The following CTNNA1 variants were observed in gnomAD, a reference collection of about 807,000 sequenced individuals.
The protein encoded by CTNNA1 is catenin alpha 1, also known as catenin alpha-1.
In CTNNA1, 37 loss-of-function variants were observed where a neutral mutation model predicts 98.4. The observed-to-expected ratio is 0.38, with a 90% CI of 0.29 to 0.49. The LOEUF is 0.49. Ranked by LOEUF, CTNNA1 falls within the 20% of genes least tolerant of loss-of-function variation. The pLI, the probability that CTNNA1 is intolerant of heterozygous loss-of-function variation, is 0.95. For missense variants in CTNNA1, 761 were observed against 1,147.2 expected (o/e 0.66, Z 4.86); for synonymous variants, 404 against 413.2 (o/e 0.98, Z 0.27).
chr5:138,859,836 A>G (rs1764097549), intron 7 of CTNNA1, among the ~76,000 whole-genome samples: 1 of 152,232 alleles, frequency 6.6e-6, no homozygotes, highest in Non-Finnish European at 1.5e-5. Flanking sequence ...TGAGCCCAGG[A>G]GGCAGAGGTT....
intron 7 of CTNNA1, chr5:138,869,691 C>G (rs552761879): frequency 5.9e-5 from 9 of 152,612 alleles, no homozygotes; most frequent in African/African-American, 2.2e-4. Flanking sequence ...AAGATGGAGT[C>G]TAGCTCTTGG....
chr5:138,829,326 CAG>C (rs1003535823), intron 7 of CTNNA1, among the ~76,000 whole-genome samples: 17 of 152,212 alleles, frequency 1.1e-4, no homozygotes, highest in South Asian at 2.1e-4. Context: ...CAGTCTTAAA[CAG>C]GGGAACAAAA....
chr5:138,929,076 G>A (rs529517333), intron 13 of CTNNA1, among the ~76,000 whole-genome samples, 170 bp from the exon 14 acceptor site: 29 of 152,350 alleles, frequency 1.9e-4, no homozygotes, highest in African/African-American at 6.5e-4. Context: ...TGAAGCAGAG[G>A]CTCGAGACAA....
chr5:138,829,107 G>A (rs1031184447), intron 7 of CTNNA1, among the ~76,000 whole-genome samples: 2 of 152,124 alleles, frequency 1.3e-5, no homozygotes, highest in African/African-American at 4.8e-5. Flanking sequence ...GGGCGACAGA[G>A]CGAGAGTGTC....
chr5:138,788,012 T>C (rs1386451434), intron 3 of CTNNA1, among the ~76,000 whole-genome samples: 1 of 152,208 alleles, frequency 6.6e-6, no homozygotes, highest in Admixed American at 6.5e-5. Context: ...ATCTGCTTCG[T>C]TTTTGAGTAG....
chr5:138,755,845 CTTTTTTTTTTTTTTTTTTTTTTTTT>C (rs60260246), intron 1 of CTNNA1, among the ~76,000 whole-genome samples: 2 of 58,448 alleles, frequency 3.4e-5, no homozygotes, highest in African/African-American at 6.3e-5. Flanking sequence ...GGATTTCCTT[CTTTTTTTTTTTTTTTTTTTTTTTTT>C]TTTTTTTTTT....
chr5:138,807,168 G>A (rs2149719397), intron 3 of CTNNA1, among the ~76,000 whole-genome samples: 1 of 151,892 alleles, frequency 6.6e-6, no homozygotes, highest in East Asian at 1.9e-4. Flanking sequence ...CTGCCACCAT[G>A]TCTGGCTGTT....
chr5:138,776,826 C>T (rs375216972), intron 1 of CTNNA1, among the ~76,000 whole-genome samples: 20,732 of 70,260 alleles, frequency 0.3, 4,054 homozygotes, highest in East Asian at 0.54. Flanking sequence ...CCCTCCCGGA[C>T]GGGGCGGCTG....
At chr5:138,771,643 T>C (rs1026519575) in intron 1 of CTNNA1, among the ~76,000 whole-genome samples, 26 of 152,160 alleles carry the variant, frequency 1.7e-4, no homozygotes, top group African/African-American at 6.3e-4. Context: ...CACCTTGGCC[T>C]CCCAGAGTGC....
intron 5 of CTNNA1, among the ~76,000 whole-genome samples, chr5:138,818,841 C>G (rs7736925): frequency 0.74 from 112,891 of 152,018 alleles, 42,192 homozygotes; most frequent in East Asian, 0.99. Context: ...CAGGTGCTCG[C>G]GGTGGCTGTG....
chr5:138,858,601 T>TTTC (rs1320208401), intron 7 of CTNNA1, among the ~76,000 whole-genome samples: 7 of 144,892 alleles, frequency 4.8e-5, no homozygotes, highest in Non-Finnish European at 4.5e-5. Flanking sequence ...TTTCTTTTTT[T>TTTC]TTTTTTTTTT....
rs187265069 is a variant in CTNNA1 at position 138,797,479 on chromosome 5, C to G, written c.302-12559C>G. 1.2e-3 allele frequency among the ~76,000 whole-genome samples: 182 copies of G among 152,156 alleles called. 1 individual carries two copies. The highest frequency in any genetic ancestry group is 1.9e-3 in the Non-Finnish European group (132 of 68,002). Reference sequence around the variant, plus strand: ...AAAATCATTTCCATTAATGAAGATACCTGGGTGGGGGCAGATTGTATAATT... The same window carrying G: ...AAAATCATTTCCATTAATGAAGATAGCTGGGTGGGGGCAGATTGTATAATT... On this transcript the variant is annotated intron_variant, in intron 3 of 17. Coordinates refer to ENST00000302763, the MANE Select transcript of CTNNA1 (RefSeq NM_001903.5).
At chr5:138,830,324 T>C (rs1761152717) in intron 7 of CTNNA1, among the ~76,000 whole-genome samples, 2 of 152,216 alleles carry the variant, frequency 1.3e-5, no homozygotes, top group African/African-American at 4.8e-5. Context: ...ATCGCACCAC[T>C]GCACTCCAGC....
At chr5:138,777,179 G>A (rs1430407257) in intron 1 of CTNNA1, among the ~76,000 whole-genome samples, 28 of 151,568 alleles carry the variant, frequency 1.8e-4, no homozygotes, top group Admixed American at 6.6e-4. Flanking sequence ...CCTCCCAGAC[G>A]GGGTCGCGGC....
intron 5 of CTNNA1, among the ~76,000 whole-genome samples, chr5:138,823,637 C>CA (rs1168674671): frequency 6.6e-6 from 1 of 152,098 alleles, no homozygotes; most frequent in Admixed American, 6.6e-5. Context: ...CATCCTGTCC[C>CA]AAATTTCACA....
At chr5:138,901,434 A>G (rs1758005592) in intron 9 of CTNNA1, among the ~76,000 whole-genome samples, 1 of 152,112 alleles carries the variant, frequency 6.6e-6, no homozygotes, top group South Asian at 2.1e-4. Flanking sequence ...TGCTGGTATT[A>G]CAAGCATGAG....
In CTNNA1 at chr5:138,932,522, T is replaced by TC. The variant is rs961660653; in HGVS notation, c.2299-55dup. ...GAACCTTTCAGAAACAGCCGTGGGG[T>TC]CGGGGGTGCTTGGGCCAGGCCAGGA... On this transcript the variant is annotated intron_variant, in intron 16 of 17. Transcript: ENST00000302763. The TC allele has an allele frequency of 1.9e-5, 31 of 1,597,858 alleles. No individual in the cohort carries two copies. In the African/African-American group the frequency reaches 4.2e-4, roughly 21 times the overall value.
chr5:138,759,065 A>C (rs1341096581), intron 1 of CTNNA1, among the ~76,000 whole-genome samples: 1 of 152,052 alleles, frequency 6.6e-6, no homozygotes, highest in African/African-American at 2.4e-5. Flanking sequence ...GGCTTCCCAA[A>C]GTACTGGGAT....
At chr5:138,892,707 G>A (rs541589442) in intron 9 of CTNNA1, among the ~76,000 whole-genome samples, 2 of 151,738 alleles carry the variant, frequency 1.3e-5, no homozygotes, top group African/African-American at 2.4e-5. Flanking sequence ...CCTTTTTAAT[G>A]TGCCTACTAA....
Sources: gnomAD v4.1 joint callset for allele counts (sites outside exome capture counted in the v4.1 genomes callset) on GRCh38, gnomAD v4.1.1 for gene constraint, MANE v1.5 for transcripts, NCBI Gene and HGNC (gene_info 2026-07-23, HGNC 2026-07-21) for gene names.